The following MED12L variants were observed in gnomAD, a reference collection of about 807,000 sequenced individuals.
MED12L encodes mediator complex subunit 12L.
MED12L carries 60 observed loss-of-function variants against 281.3 expected under a neutral mutation model. The ratio of observed to expected loss-of-function variants is 0.21; its 90% CI spans 0.17 to 0.26. The LOEUF (loss-of-function observed/expected upper bound fraction) is 0.26. Ranked by LOEUF, MED12L falls within the 10% of genes least tolerant of loss-of-function variation. The probability of loss-of-function intolerance (pLI) is 1.00; values close to 1 mark genes in which losing one functional copy is unlikely to be tolerated. For missense variants in MED12L, 2,146 were observed against 2,680.9 expected (o/e 0.80, Z 4.41); for synonymous variants, 974 against 987.2 (o/e 0.99, Z 0.25).
chr3:151,203,354 C>T (rs1054742235), intron 16 of MED12L, among the ~76,000 whole-genome samples: 2 of 149,760 alleles, frequency 1.3e-5, no homozygotes, highest in Admixed American at 6.6e-5. Context: ...TGTATGCTTT[C>T]TTAAGCAATT....
Position 151,185,336 on chromosome 3 carries a change from C to T in MED12L, c.1501C>T (p.Pro501Ser), listed in dbSNP as rs1411138483. Residue 501 changes from proline to serine, a missense_variant, in exon 12 of 45, where the codon CCC becomes TCC. Transcript: ENST00000687756. ...CCTCTCTGTTGGTCATTAGGTTGCGCCCAACGATGAAGCTGTGGTGACGCT... is the reference window on the plus strand; with the variant it reads ...CCTCTCTGTTGGTCATTAGGTTGCGTCCAACGATGAAGCTGTGGTGACGCT... The part of the protein sequence containing the change: ...NQNKDNQEVA[P>S]NDEAVVTLLC... 1.9e-6 allele frequency: 3 copies of T among 1,613,464 alleles called. No homozygotes were observed. In the East Asian group the frequency reaches 6.7e-5, roughly 36 times the overall value.
At chr3:151,102,705 A>G (rs1721537110) in intron 2 of MED12L, among the ~76,000 whole-genome samples, 1 of 152,126 alleles carries the variant, frequency 6.6e-6, no homozygotes, top group African/African-American at 2.4e-5. Flanking sequence ...ATTCCTGGAC[A>G]ATCAAGTGAT....
chr3:151,364,536 C>T (rs942136649), intron 21 of MED12L, among the ~76,000 whole-genome samples: 20 of 152,116 alleles, frequency 1.3e-4, no homozygotes, highest in African/African-American at 4.3e-4. Flanking sequence ...ACTTCTACTG[C>T]GTACACTATA....
chr3:151,212,214 T>C (rs1576983036), intron 16 of MED12L: 1 of 152,096 alleles, frequency 6.6e-6, no homozygotes, highest in Admixed American at 6.5e-5. Flanking sequence ...ATTTGAAAAA[T>C]AGATGAATGT....
At chr3:151,268,983 T>G (rs59501054) in intron 16 of MED12L, among the ~76,000 whole-genome samples, 7 of 152,150 alleles carry the variant, frequency 4.6e-5, no homozygotes, top group Non-Finnish European at 8.8e-5. Flanking sequence ...TCTTGAACTT[T>G]CCTAGCGGTG....
At chr3:151,199,009 T>G in intron 16 of MED12L, 1 of 1,614,156 alleles carries the variant, frequency 6.2e-7, no homozygotes, top group Non-Finnish European at 8.5e-7. Context: ...ATCCGGGTTC[T>G]TGTATTCGGT....
At chr3:151,350,274 T>C in intron 17 of MED12L, 68 bp downstream of exon 17, 1 of 1,511,744 alleles carries the variant, frequency 6.6e-7, no homozygotes, top group Non-Finnish European at 9.1e-7. Context: ...ACAGTCTTTA[T>C]CAAAGTGTTC....
intron 38 of MED12L, among the ~76,000 whole-genome samples, chr3:151,393,495 G>T (rs1714560066): frequency 6.6e-6 from 1 of 152,034 alleles, no homozygotes; most frequent in African/African-American, 2.4e-5. Context: ...GTTCTGTCCT[G>T]CTCCCCCACA....
At chr3:151,406,802 C>CTTT (rs36114038) in intron 39 of MED12L, among the ~76,000 whole-genome samples, 28 of 137,350 alleles carry the variant, frequency 2.0e-4, no homozygotes, top group African/African-American at 6.7e-4. Context: ...TCTTCTTCTT[C>CTTT]TTTTTTTTTT....
At position 151,355,102 on chromosome 3, in the gene MED12L, C is replaced by T; in HGVS notation, c.2399-19C>T. ...TTCTATTAAATGGAAAATAATGGAT[C>T]TGCTTTATGTTTATGTAGTTGGGGA... On this transcript the variant is annotated intron_variant, in intron 17 of 44. Coordinates refer to ENST00000687756, the MANE Select transcript of MED12L (RefSeq NM_001393769.1). 1 of 1,567,396 alleles carries T rather than the reference C, an allele frequency of 6.4e-7. No individual in the cohort carries two copies. Among genetic ancestry groups the T allele is most frequent in the East Asian group, 2.2e-5 (1 of 44,546 alleles).
intron 2 of MED12L, among the ~76,000 whole-genome samples, chr3:151,088,943 TTA>T (rs1282114964): frequency 6.6e-6 from 1 of 152,118 alleles, no homozygotes; most frequent in Admixed American, 6.5e-5. Context: ...GCAGACAGAG[TTA>T]TGTGTGGCTG....
rs1750049721 is a variant in MED12L at position 151,329,096 on chromosome 3, T to C, written c.2251-20963T>C. 5.5e-6 allele frequency: 5 copies of C among 908,312 alleles called. No individual in the cohort carries two copies. In the East Asian group the frequency reaches 1.2e-4, roughly 23 times the overall value. The allele number at this position is 908,312 out of a possible 1,614,324, so 56.3% of individuals were successfully genotyped here. ...CTATTTTTTAAAAACAGACTTTATG[T>C]TTATAGCATATTAACATCCTGCATT... is the stretch of plus-strand genomic sequence containing the variant. On this transcript the variant is annotated intron_variant, in intron 16 of 44. Coordinates refer to ENST00000687756, the MANE Select transcript of MED12L (RefSeq NM_001393769.1).
intron 16 of MED12L, chr3:151,213,530 C>T (rs1727558999): frequency 1.9e-6 from 3 of 1,614,162 alleles, no homozygotes; most frequent in African/African-American, 2.7e-5. Context: ...CTGTAATGAG[C>T]TTCGGTCTGA....
intron 2 of MED12L, among the ~76,000 whole-genome samples, chr3:151,091,354 G>A (rs184357762): frequency 1.3e-5 from 2 of 152,204 alleles, no homozygotes; most frequent in African/African-American, 4.8e-5. Context: ...TACCCTGAAG[G>A]CTGGTTGAAA....
At chr3:151,119,826 A>T (rs968962700) in intron 3 of MED12L, among the ~76,000 whole-genome samples, 2 of 152,242 alleles carry the variant, frequency 1.3e-5, no homozygotes, top group Non-Finnish European at 2.9e-5. Flanking sequence ...TATGAAATAC[A>T]TGAATTATAA....
At position 151,280,986 on chromosome 3, in the gene MED12L, C is replaced by T. The variant is rs539903018; in HGVS notation, c.2251-69073C>T. ...ACATTTTGTGGATATGCTTAAATCACAGTTTAGCTTGTACACATTTTCCTT... is the reference window on the plus strand; with the variant it reads ...ACATTTTGTGGATATGCTTAAATCATAGTTTAGCTTGTACACATTTTCCTT... On this transcript the variant is annotated intron_variant, in intron 16 of 44. Transcript: ENST00000687756. 5.3e-5 allele frequency among the ~76,000 whole-genome samples: 8 copies of T among 152,168 alleles called. No homozygotes were observed. In the East Asian group the frequency reaches 1.2e-3, roughly 22 times the overall value.
At chr3:151,367,813 G>A (rs375820570) in intron 24 of MED12L, 47 bp downstream of exon 24, 1 of 1,568,656 alleles carries the variant, frequency 6.4e-7, no homozygotes, top group African/African-American at 1.4e-5. Flanking sequence ...TTGTTGTCTT[G>A]ATGGAGTGGT....
At chr3:151,270,134 A>G (rs1314162831) in intron 16 of MED12L, 2 of 240,626 alleles carry the variant, frequency 8.3e-6, no homozygotes, top group Non-Finnish European at 1.6e-5. Context: ...AAAATGACTA[A>G]TAGAACACTG....
At chr3:151,213,155 CTTATAT>C (rs1449330385) in intron 16 of MED12L, 1 of 613,400 alleles carries the variant, frequency 1.6e-6, no homozygotes, top group Non-Finnish European at 2.7e-6. Flanking sequence ...AGCATGGAAA[CTTATAT>C]TTGAATTTTA....
Sources: gnomAD v4.1 joint callset for allele counts (sites outside exome capture counted in the v4.1 genomes callset) on GRCh38, gnomAD v4.1.1 for gene constraint, MANE v1.5 for transcripts, NCBI Gene and HGNC (gene_info 2026-07-23, HGNC 2026-07-21) for gene names.